The following KCNU1 variants were observed in gnomAD, a reference collection of about 807,000 sequenced individuals.
KCNU1 encodes potassium channel subfamily U member 1.
In KCNU1, 93 loss-of-function variants were observed where a neutral mutation model predicts 126.8. The observed-to-expected ratio is 0.73, with a 90% CI of 0.62 to 0.87. KCNU1 has a LOEUF of 0.87. Ranked by LOEUF, KCNU1 falls within the 40% of genes least tolerant of loss-of-function variation. The pLI is 0.00. For synonymous variants in KCNU1, 523 were observed against 494.2 expected, an observed-to-expected ratio of 1.06 and a Z score of -0.77; for missense variants, 1,330 against 1,367.1, an observed-to-expected ratio of 0.97 and a Z score of 0.43.
Position 36,814,377 on chromosome 8 carries a change from G to A in KCNU1, c.903G>A (p.Leu301=). 3 of 1,595,932 alleles carry A rather than the reference G, an allele frequency of 1.9e-6. No individual in the cohort carries two copies. Among genetic ancestry groups the A allele is most frequent in the Non-Finnish European group, 2.6e-6 (3 of 1,168,354 alleles). The part of the protein sequence containing the change: ...TFIMFFTLGS[L]ILFANYIPEM... The stretch of plus-strand genomic sequence containing the variant: ...TCATGTTCTTCACACTGGGGAGTTT[G>A]GTGAAGAATATTTTTAATATATTTT... The change falls in exon 8 of 27, where the codon TTG becomes TTA. Residue 301 remains leucine, a splice_region_variant and synonymous_variant. Coordinates refer to ENST00000399881, the MANE Select transcript of KCNU1 (RefSeq NM_001031836.3).
chr8:36,898,123 T>C (rs1807269301), intron 19 of KCNU1, among the ~76,000 whole-genome samples: 1 of 152,144 alleles, frequency 6.6e-6, no homozygotes. Flanking sequence ...CAGCACACTA[T>C]GTTGACTCCA....
chr8:36,802,841 A>C (rs1803361619), intron 2 of KCNU1, among the ~76,000 whole-genome samples: 1 of 152,160 alleles, frequency 6.6e-6, no homozygotes, highest in Non-Finnish European at 1.5e-5. Flanking sequence ...CTGTGATGTC[A>C]ATGTGGGGGC....
intron 14 of KCNU1, among the ~76,000 whole-genome samples, chr8:36,837,568 G>A (rs1208459900): frequency 1.3e-5 from 2 of 152,166 alleles, no homozygotes; most frequent in East Asian, 3.9e-4. Flanking sequence ...GAGCCGCAGA[G>A]CTAGAACTGT....
intron 13 of KCNU1, 63 bp downstream of exon 13, chr8:36,836,428 T>A (rs1050064265): frequency 8.1e-6 from 9 of 1,117,804 alleles, no homozygotes; most frequent in Non-Finnish European, 1.2e-5. Flanking sequence ...ACGAACTTTT[T>A]AATTTTCTAA....
chr8:36,873,543 C>A (rs1806178100), intron 19 of KCNU1, among the ~76,000 whole-genome samples: 1 of 152,124 alleles, frequency 6.6e-6, no homozygotes, highest in Admixed American at 6.5e-5. Flanking sequence ...CTGTAACAAT[C>A]CCCATTTAAT....
intron 19 of KCNU1, among the ~76,000 whole-genome samples, chr8:36,880,534 G>C (rs565741355): frequency 1.3e-4 from 20 of 152,158 alleles, no homozygotes; most frequent in Non-Finnish European, 2.6e-4. Flanking sequence ...TGGTATGAAG[G>C]ACAAGTGCAA....
At chr8:36,921,570 T>G (rs2117582527) in intron 23 of KCNU1, among the ~76,000 whole-genome samples, 1 of 150,712 alleles carries the variant, frequency 6.6e-6, no homozygotes, top group Middle Eastern at 3.4e-3. Flanking sequence ...TTCCAGCTAC[T>G]TGGGAGGCTG....
At chr8:36,909,904 C>T (rs1453834247) in intron 21 of KCNU1, among the ~76,000 whole-genome samples, 1 of 152,130 alleles carries the variant, frequency 6.6e-6, no homozygotes, top group African/African-American at 2.4e-5. Context: ...AATTTAATGG[C>T]TACACCTAAG....
intron 18 of KCNU1, among the ~76,000 whole-genome samples, chr8:36,854,253 A>G (rs887957517): frequency 1.3e-4 from 19 of 151,778 alleles, no homozygotes; most frequent in African/African-American, 3.9e-4. Flanking sequence ...TGTGTAGATT[A>G]ATGTTTTTCA....
rs1563338481 is a variant in KCNU1, at chr8:36,922,539, G to C, written c.2646G>C (p.Gly882=). ...HFIEQLGGLE[G]SLQETNLHLS... is the part of the protein sequence containing the mutation. ...TTGAACAGCTTGGTGGACTGGAAGG[G>C]TCCCTCCAAGAAACAAATCTGCATC... is the stretch of plus-strand genomic sequence containing the variant. Residue 882 remains glycine (G), a synonymous_variant, in exon 24 of 27, where the codon GGG becomes GGC. Transcript: ENST00000399881. 6.2e-7 allele frequency: 1 copy of C among 1,613,530 alleles called. No individual in the cohort carries two copies. Among genetic ancestry groups the C allele is most frequent in the Non-Finnish European group, 8.5e-7 (1 of 1,179,678 alleles).
chr8:36,872,969 C>T (rs1421774564), intron 19 of KCNU1, among the ~76,000 whole-genome samples: 1 of 152,104 alleles, frequency 6.6e-6, no homozygotes, highest in Non-Finnish European at 1.5e-5. Flanking sequence ...ATCCTAGCTA[C>T]CCAGGAGGCT....
At chr8:36,811,413 T>C (rs919133943) in intron 7 of KCNU1, among the ~76,000 whole-genome samples, 5 of 152,100 alleles carry the variant, frequency 3.3e-5, no homozygotes, top group African/African-American at 9.7e-5. Context: ...CCAATGAGAC[T>C]AGCTTCAAGT....
rs1410905553 is a variant in KCNU1, at chr8:36,843,948, T to C, written c.1704-1632T>C. On this transcript the variant is annotated intron_variant, in intron 16 of 26. Transcript: ENST00000399881. ...AAATCATAAAGAGTGAATCAACTAA[T>C]AACACCATGTTAGGAAAATCCTTAA... Among the ~76,000 whole-genome samples the C allele has an allele frequency of 2.0e-5, 3 of 152,304 alleles. No homozygotes were observed. The South Asian group carries it at 6.2e-4, about 32-fold the overall frequency.
At chr8:36,910,105 A>C (rs1807808146) in intron 21 of KCNU1, among the ~76,000 whole-genome samples, 1 of 152,026 alleles carries the variant, frequency 6.6e-6, no homozygotes, top group African/African-American at 2.4e-5. Flanking sequence ...CCACCATTTC[A>C]CTGGTTGAGG....
chr8:36,788,413 T>A (rs1802788000), intron 2 of KCNU1, among the ~76,000 whole-genome samples: 1 of 152,224 alleles, frequency 6.6e-6, no homozygotes, highest in Non-Finnish European at 1.5e-5. Flanking sequence ...ATTGCCCTGA[T>A]CCTCCTTTCA....
At chr8:36,819,641 C>A (rs1804049149) in intron 10 of KCNU1, among the ~76,000 whole-genome samples, 1 of 152,000 alleles carries the variant, frequency 6.6e-6, no homozygotes, top group African/African-American at 2.4e-5. Flanking sequence ...TTTATGTGAC[C>A]AATTTATTCC....
At chr8:36,914,140 G>A (rs1808002685) in intron 22 of KCNU1, among the ~76,000 whole-genome samples, 1 of 152,084 alleles carries the variant, frequency 6.6e-6, no homozygotes, top group Non-Finnish European at 1.5e-5. Context: ...ACACCCCCAA[G>A]AACTGAAATT....
At chr8:36,885,370 C>T (rs934039918) in intron 19 of KCNU1, among the ~76,000 whole-genome samples, 1 of 151,922 alleles carries the variant, frequency 6.6e-6, no homozygotes, top group Admixed American at 6.6e-5. Context: ...GCCCGACCAA[C>T]ATGATGAAAC....
chr8:36,935,908 A>G lies in KCNU1; in HGVS notation c.3438A>G (p.Ser1146=). Residue 1146 remains serine, a synonymous_variant, in exon 27 of 27, where the codon TCA becomes TCG. Transcript: ENST00000399881. ...ATGATGAGGATCCCTTTGCATATTC[A>G]GAGCCACTATAGACCTGCCCATATT... The part of the protein sequence containing the change: ...EVYDEDPFAY[S]EPL 1.3e-6 allele frequency: 2 copies of G among 1,594,048 alleles called. No individual in the cohort carries two copies. Among genetic ancestry groups the G allele is most frequent in the South Asian group, 2.3e-5 (2 of 87,092 alleles).
Sources: allele counts gnomAD v4.1 joint callset (sites outside exome capture counted in the v4.1 genomes callset), GRCh38; gene constraint gnomAD v4.1.1; transcripts MANE v1.5; gene names NCBI Gene and HGNC (gene_info 2026-07-23, HGNC 2026-07-21).